The following FRMD6 variants were observed in gnomAD, a reference collection of about 807,000 sequenced individuals.
FRMD6 encodes FERM domain-containing protein 6.
Under a neutral mutation model 73.2 loss-of-function variants are expected in FRMD6, and 37 were observed. That is an observed-to-expected ratio of 0.51 (90% CI 0.39 to 0.66). The LOEUF (loss-of-function observed/expected upper bound fraction) is 0.66. FRMD6 is among the 30% of genes least tolerant of loss of function. FRMD6 has a pLI of 0.00. For missense variants in FRMD6, 714 were observed against 780.5 expected (o/e 0.91, Z 1.02); for synonymous variants, 273 against 282.2 (o/e 0.97, Z 0.33).
At chr14:51,469,569 C>T in the FRMD6 span, among the ~76,000 whole-genome samples, 6 of 142,192 alleles carry the variant, frequency 4.2e-5, no homozygotes, top group South Asian at 7.0e-4. Context: ...GCCAAGATAG[C>T]GCCACTGCAC....
chr14:51,703,202 G>A lies in FRMD6; in HGVS notation c.371+614G>A, dbSNP rs143810998. ...GGAGGTGTGTGCATGAACAGTAGTA[G>A]GCTCAGGATGCAAATTCAGAATTCA... On this transcript the variant is annotated intron_variant, in intron 5 of 13. Coordinates refer to ENST00000344768, the MANE Select transcript of FRMD6 (RefSeq NM_001267046.2). Among the ~76,000 whole-genome samples, 248 of 152,144 alleles carry A rather than the reference G, an allele frequency of 1.6e-3. 1 individual carries two copies. The highest frequency in any genetic ancestry group is 5.2e-3 in the African/African-American group (216 of 41,528).
intron 11 of FRMD6, among the ~76,000 whole-genome samples, chr14:51,721,724 G>GAGGAAGGAAGGA (rs1566598298): frequency 2.4e-5 from 2 of 85,022 alleles, no homozygotes; most frequent in African/African-American, 1.1e-4. Flanking sequence ...GGAAGGGAGG[G>GAGGAAGGAAGGA]AGGAAGGGAG....
upstream of FRMD6, among the ~76,000 whole-genome samples, chr14:51,486,936 G>GTTTT (rs5808614): frequency 2.7e-5 from 4 of 146,338 alleles, no homozygotes; most frequent in Non-Finnish European, 3.0e-5. Context: ...GTATAAAACC[G>GTTTT]TTTTTTTTTT....
At chr14:51,399,002 C>A in the FRMD6 span, among the ~76,000 whole-genome samples, 71 of 152,296 alleles carry the variant, frequency 4.7e-4, no homozygotes, top group African/African-American at 1.6e-3. Context: ...TTCTGTTTCC[C>A]ACACACTTAC....
At chr14:51,711,452 G>A in intron 7 of FRMD6, 79 bp from the exon 8 acceptor site, 1 of 911,614 alleles carries the variant, frequency 1.1e-6, no homozygotes. Context: ...ATCCTGAAAT[G>A]TTTCTTTGGT....
At chr14:51,428,976 C>CAGAGGGGAGAGAGAGGGAGAGAGAG in the FRMD6 span, among the ~76,000 whole-genome samples, 2 of 54,968 alleles carry the variant, frequency 3.6e-5, no homozygotes, top group Non-Finnish European at 3.5e-5. Flanking sequence ...GGGTGAGAGA[C>CAGAGGGGAGAGAGAGGGAGAGAGAG]AGAGGGGAGA....
At chr14:51,701,582 A>AAGTATATATAGTATATATACTT (rs1896318690) in intron 4 of FRMD6, among the ~76,000 whole-genome samples, 1 of 147,280 alleles carries the variant, frequency 6.8e-6, no homozygotes. Context: ...ATAGTATATA[A>AAGTATATATAGTATATATACTT]AGTATATATA....
chr14:51,709,450 G>T (rs745993146), intron 7 of FRMD6, among the ~76,000 whole-genome samples: 1 of 152,162 alleles, frequency 6.6e-6, no homozygotes, highest in Admixed American at 6.6e-5. Context: ...TTTGCCTTTT[G>T]TGGTAGGATT....
rs188698961 is a variant in FRMD6, at chr14:51,540,588, G to C, written c.-209-29760G>C. Reference sequence around the variant, plus strand: ...AAATAAGATGATTCATGGCAAACTTGCTTTGCAAAGTAGATTTTACAGCCC... The same window carrying C: ...AAATAAGATGATTCATGGCAAACTTCCTTTGCAAAGTAGATTTTACAGCCC... On this transcript the variant is annotated intron_variant, in intron 1 of 14. Coordinates refer to the FRMD6 transcript ENST00000356218. Among the ~76,000 whole-genome samples, 381 of 152,184 alleles carry C rather than the reference G, an allele frequency of 2.5e-3. 2 individuals are homozygous for C. The highest frequency in any genetic ancestry group is 8.5e-3 in the African/African-American group (354 of 41,542).
intron 5 of FRMD6, among the ~76,000 whole-genome samples, chr14:51,703,589 C>T (rs1243383993): frequency 6.6e-6 from 1 of 151,954 alleles, no homozygotes; most frequent in East Asian, 1.9e-4. Context: ...ATATATTTAA[C>T]AAATAGTTAA....
chr14:51,727,043 C>T (rs562198166), intron 13 of FRMD6, among the ~76,000 whole-genome samples: 5 of 152,048 alleles, frequency 3.3e-5, no homozygotes, highest in African/African-American at 1.2e-4. Flanking sequence ...AAAGTCTGCC[C>T]CCTGCTGTGT....
intron 2 of FRMD6, among the ~76,000 whole-genome samples, chr14:51,572,790 G>A (rs1311245867): frequency 6.6e-6 from 1 of 152,166 alleles, no homozygotes; most frequent in African/African-American, 2.4e-5. Context: ...AATCCTTTAA[G>A]GGAATCATTT....
the FRMD6 span, among the ~76,000 whole-genome samples, chr14:51,481,807 A>T: frequency 1.3e-5 from 2 of 152,210 alleles, no homozygotes; most frequent in Non-Finnish European, 2.9e-5. Flanking sequence ...TTTCTGGCAC[A>T]CGGGCCCCTC....
intron 2 of FRMD6, among the ~76,000 whole-genome samples, chr14:51,589,950 T>G (rs1212236943): frequency 2.0e-5 from 3 of 151,738 alleles, no homozygotes; most frequent in African/African-American, 7.3e-5. Flanking sequence ...CACCTGTAAT[T>G]CCAGCTATGC....
intron 1 of FRMD6, among the ~76,000 whole-genome samples, chr14:51,494,533 T>G (rs1247460532): frequency 6.6e-6 from 1 of 152,194 alleles, no homozygotes; most frequent in African/African-American, 2.4e-5. Flanking sequence ...TCCACTGGAG[T>G]GGCAGTTCTA....
chr14:51,470,391 T>G, the FRMD6 span, among the ~76,000 whole-genome samples: 16 of 152,156 alleles, frequency 1.1e-4, no homozygotes, highest in African/African-American at 3.6e-4. Flanking sequence ...TGGCAGCTAC[T>G]TGGGAGGCTG....
At chr14:51,534,011 A>G (rs1460464037) in intron 1 of FRMD6, among the ~76,000 whole-genome samples, 5 of 152,126 alleles carry the variant, frequency 3.3e-5, no homozygotes, top group African/African-American at 1.2e-4. Flanking sequence ...TGGGGAAAGG[A>G]CCTAATTCAC....
the FRMD6 span, among the ~76,000 whole-genome samples, chr14:51,467,423 C>G: frequency 2.0e-5 from 3 of 152,246 alleles, no homozygotes; most frequent in Admixed American, 6.5e-5. Context: ...CACTTCCTCC[C>G]TTTCTGTTTG....
chr14:51,432,180 A>G, the FRMD6 span, among the ~76,000 whole-genome samples: 1 of 152,204 alleles, frequency 6.6e-6, no homozygotes, highest in East Asian at 1.9e-4. Context: ...CTTTATTTAC[A>G]TTATTGAAAA....
Sources: allele counts gnomAD v4.1 joint callset (sites outside exome capture counted in the v4.1 genomes callset), GRCh38; gene constraint gnomAD v4.1.1; transcripts MANE v1.5; gene names NCBI Gene and HGNC (gene_info 2026-07-23, HGNC 2026-07-21).